The following ATF7IP2 variants were observed in gnomAD, a reference collection of about 807,000 sequenced individuals.
ATF7IP2 encodes activating transcription factor 7 interacting protein 2.
A neutral mutation model predicts 64.2 loss-of-function variants in ATF7IP2; 42 were observed. That is an observed-to-expected ratio of 0.65 (90% confidence interval 0.51 to 0.85). The LOEUF is 0.85. Among genes scored for constraint, ATF7IP2 ranks in the 40% least tolerant of loss-of-function variants. The pLI is 0.00. For synonymous variants in ATF7IP2, 308 were observed against 272.8 expected, an observed-to-expected ratio of 1.13 and a Z score of -1.27; for missense variants, 933 against 784.2, an observed-to-expected ratio of 1.19 and a Z score of -2.27.
intron 8 of ATF7IP2, among the ~76,000 whole-genome samples, chr16:10,450,246 A>G (rs554073615): frequency 1.3e-4 from 20 of 152,292 alleles, no homozygotes; most frequent in East Asian, 5.8e-4. Context: ...TATGTGGTCA[A>G]TTTTAGAATA....
intron 2 of ATF7IP2, among the ~76,000 whole-genome samples, chr16:10,416,500 T>C (rs1340329999): frequency 1.3e-5 from 2 of 152,012 alleles, no homozygotes; most frequent in African/African-American, 4.8e-5. Context: ...GTATAAAAAG[T>C]AGTTAGAATG....
intron 6 of ATF7IP2, among the ~76,000 whole-genome samples, chr16:10,435,351 T>A (rs1178350966): frequency 6.6e-6 from 1 of 152,226 alleles, no homozygotes; most frequent in East Asian, 1.9e-4. Flanking sequence ...TCTTAAGTTA[T>A]TCACTCTACC....
chr16:10,410,745 G>A (rs1259522691), intron 1 of ATF7IP2, among the ~76,000 whole-genome samples: 1 of 152,128 alleles, frequency 6.6e-6, no homozygotes, highest in African/African-American at 2.4e-5. Flanking sequence ...TTCTTTAATT[G>A]CCATGTCAAT....
chr16:10,403,004 A>G (rs931469434), intron 1 of ATF7IP2, among the ~76,000 whole-genome samples: 1 of 152,064 alleles, frequency 6.6e-6, no homozygotes, highest in African/African-American at 2.4e-5. Context: ...ACTCTGTTCT[A>G]TGAATGAATG....
At position 10,430,645 on chromosome 16, in the gene ATF7IP2, C is replaced by T. The variant is rs140651559; in HGVS notation, c.25C>T (p.Arg9Trp). MASPDRSKRKILKAKKTMP... is the reference protein window; with the variant it reads MASPDRSKWKILKAKKTMP... The stretch of plus-strand genomic sequence containing the variant: ...GATGGCAAGTCCAGATAGAAGTAAA[C>T]GGAAGATATTAAAAGCCAAAAAGAC... Residue 9 changes from arginine (R) to tryptophan (W), a missense_variant, in exon 5 of 14, where the codon CGG becomes TGG. Physicochemically the swap from Arg to Trp is moderately radical, Grantham distance 101. Coordinates refer to ENST00000562102, the MANE Select transcript of ATF7IP2 (RefSeq NM_001393719.1). 49 of 1,613,148 alleles carry T rather than the reference C, an allele frequency of 3.0e-5. No individual in the cohort carries two copies. Among genetic ancestry groups the T allele is most frequent in the East Asian group, 1.3e-4 (6 of 44,830 alleles).
intron 12 of ATF7IP2, among the ~76,000 whole-genome samples, chr16:10,475,241 G>A (rs58974131): frequency 1.3e-5 from 2 of 152,194 alleles, no homozygotes; most frequent in Non-Finnish European, 2.9e-5. Context: ...TTGGAAGTAT[G>A]CTGTTACAAG....
chr16:10,435,059 C>T lies in ATF7IP2; in HGVS notation c.960+1410C>T, dbSNP rs185465274. On this transcript the variant is annotated intron_variant, in intron 6 of 13. Coordinates refer to ENST00000562102, the MANE Select transcript of ATF7IP2 (RefSeq NM_001393719.1). The stretch of plus-strand genomic sequence containing the variant: ...CTGGGATTACAGGTGTGAGCCACCG[C>T]GCCCAGCCAGAAGTAACTTCTGATG... 1.6e-3 allele frequency among the ~76,000 whole-genome samples: 237 copies of T among 152,290 alleles called. 2 individuals carry two copies. Among genetic ancestry groups the T allele is most frequent in the African/African-American group, 5.2e-3 (218 of 41,544 alleles).
intron 4 of ATF7IP2, among the ~76,000 whole-genome samples, chr16:10,429,938 C>T (rs181147181): frequency 6.6e-6 from 1 of 151,624 alleles, no homozygotes; most frequent in East Asian, 1.9e-4. Flanking sequence ...CTGCAACCTC[C>T]ACCTCCCGGG....
At chr16:10,400,316 C>T (rs904820409) in intron 1 of ATF7IP2, among the ~76,000 whole-genome samples, 2 of 152,210 alleles carry the variant, frequency 1.3e-5, no homozygotes, top group Non-Finnish European at 2.9e-5. Flanking sequence ...GTTGGGATTA[C>T]AGGCATTAGC....
intron 1 of ATF7IP2, among the ~76,000 whole-genome samples, chr16:10,391,184 G>C (rs2047315061): frequency 6.6e-6 from 1 of 151,250 alleles, no homozygotes; most frequent in Admixed American, 6.6e-5. Flanking sequence ...TGCTGGGCGT[G>C]GGGGCTCACA....
At chr16:10,470,504 C>G (rs565186590) in intron 9 of ATF7IP2, among the ~76,000 whole-genome samples, 56 of 152,170 alleles carry the variant, frequency 3.7e-4, no homozygotes, top group African/African-American at 1.3e-3. Flanking sequence ...AAACTTAAGG[C>G]CAGGCATGAT....
rs528227208 is a variant in ATF7IP2 at position 10,427,138 on chromosome 16, G to A, written c.-159-1730G>A. On this transcript the variant is annotated intron_variant, in intron 3 of 13. Coordinates refer to ENST00000562102, the MANE Select transcript of ATF7IP2 (RefSeq NM_001393719.1). ...CAGAGTGCTGGGATTACAGGCTTGA[G>A]CCACTGCACCTGGCCGGAATATGGT... is the stretch of plus-strand genomic sequence containing the variant. 2.0e-5 allele frequency among the ~76,000 whole-genome samples: 3 copies of A among 152,236 alleles called. No individual in the cohort carries two copies. The East Asian group carries it at 5.8e-4, about 29-fold the overall frequency.
intron 1 of ATF7IP2, among the ~76,000 whole-genome samples, chr16:10,387,990 C>G (rs2047237814): frequency 6.6e-6 from 1 of 152,048 alleles, no homozygotes; most frequent in Non-Finnish European, 1.5e-5. Flanking sequence ...GCAACCTCCT[C>G]CCTCCGGGTT....
chr16:10,420,663 C>T (rs1204410707), intron 3 of ATF7IP2, among the ~76,000 whole-genome samples: 1 of 152,224 alleles, frequency 6.6e-6, no homozygotes, highest in Non-Finnish European at 1.5e-5. Flanking sequence ...CATTCTACTC[C>T]TAACTGCTGT....
At chr16:10,399,136 T>C (rs2047478170) in intron 1 of ATF7IP2, among the ~76,000 whole-genome samples, 1 of 152,076 alleles carries the variant, frequency 6.6e-6, no homozygotes, top group South Asian at 2.1e-4. Context: ...AGATCTATTG[T>C]TCTATTGTGC....
At chr16:10,431,796 T>TAAA (rs1191559726) in intron 5 of ATF7IP2, among the ~76,000 whole-genome samples, 1 of 151,216 alleles carries the variant, frequency 6.6e-6, no homozygotes, top group Admixed American at 6.6e-5. Context: ...GAGTGAGTTT[T>TAAA]AAAAATTGTT....
At chr16:10,461,891 T>G (rs2049385218) in intron 9 of ATF7IP2, among the ~76,000 whole-genome samples, 1 of 152,144 alleles carries the variant, frequency 6.6e-6, no homozygotes, top group African/African-American at 2.4e-5. Flanking sequence ...GAAAAATGAT[T>G]TATGCTTAGT....
chr16:10,458,313 A>C (rs1364243668), intron 9 of ATF7IP2, among the ~76,000 whole-genome samples: 1 of 152,250 alleles, frequency 6.6e-6, no homozygotes, highest in Non-Finnish European at 1.5e-5. Context: ...GCTACATTTC[A>C]GTGACACTTT....
intron 4 of ATF7IP2, among the ~76,000 whole-genome samples, chr16:10,430,248 TATGA>T (rs2048200692): frequency 6.6e-6 from 1 of 152,198 alleles, no homozygotes; most frequent in Non-Finnish European, 1.5e-5. Context: ...TTTTTGTTTT[TATGA>T]ATAAGTGCAA....
Sources: gnomAD v4.1 joint callset for allele counts (sites outside exome capture counted in the v4.1 genomes callset) on GRCh38, gnomAD v4.1.1 for gene constraint, MANE v1.5 for transcripts, NCBI Gene and HGNC (gene_info 2026-07-23, HGNC 2026-07-21) for gene names.